The following CPE variants were observed in gnomAD, a reference collection of about 807,000 sequenced individuals.
The protein encoded by CPE is carbocypeptidase E.
CPE carries 17 observed loss-of-function variants against 53.5 expected under a neutral mutation model. The observed-to-expected ratio is 0.32, with a 90% CI of 0.22 to 0.48. CPE has a LOEUF of 0.48. Among genes scored for constraint, CPE ranks in the 20% least tolerant of loss-of-function variants. CPE has a pLI of 0.99. For synonymous variants in CPE, 226 were observed against 228.8 expected (o/e 0.99, Z 0.11); for missense variants, 524 against 614.7 (o/e 0.85, Z 1.56).
chr4:165,448,470 C>T (rs570491919), intron 1 of CPE, among the ~76,000 whole-genome samples: 41 of 152,260 alleles, frequency 2.7e-4, no homozygotes, highest in African/African-American at 9.4e-4. Flanking sequence ...AGTCTTTGCT[C>T]TTTCTTCTGG....
rs1029835451 is a variant in CPE, at chr4:165,379,712, C to A, written c.307+184C>A. On this transcript the variant is annotated intron_variant, in intron 1 of 8. Coordinates refer to ENST00000402744, the MANE Select transcript of CPE (RefSeq NM_001873.4). This position sits in a 1 kb window ranked among gnomAD's most constrained non-coding sequence, Gnocchi z 6.0. ...AAATGGGGAAGAACCCGACTTAGAG[C>A]GCCAGTGGCCCAATTTCTGCTTTCC... Among the ~76,000 whole-genome samples, 3 of 152,086 alleles carry A rather than the reference C, an allele frequency of 2.0e-5. No homozygotes were observed. Among genetic ancestry groups the A allele is most frequent in the Admixed American group, 6.5e-5 (1 of 15,278 alleles).
intron 3 of CPE, among the ~76,000 whole-genome samples, chr4:165,480,385 A>G (rs1015787565): frequency 2.0e-5 from 3 of 152,248 alleles, no homozygotes; most frequent in Non-Finnish European, 4.4e-5. Context: ...GGATTTCTCT[A>G]AGGAAAGTAC....
intron 1 of CPE, among the ~76,000 whole-genome samples, chr4:165,461,188 G>GAAACAAAAAGAA: frequency 1.2e-5 from 1 of 81,200 alleles, no homozygotes; most frequent in South Asian, 3.8e-4. Flanking sequence ...AAAAAAAAAA[G>GAAACAAAAAGAA]AAAGAAAGAA....
At position 165,391,654 on chromosome 4, in the gene CPE, T is replaced by G. The variant is rs779162948; in HGVS notation, c.307+12126T>G. 5.9e-5 allele frequency among the ~76,000 whole-genome samples: 9 copies of G among 152,288 alleles called. No homozygotes were observed. The Middle Eastern group carries it at 0.01, about 173-fold the overall frequency. On this transcript the variant is annotated intron_variant, in intron 1 of 8. Coordinates refer to ENST00000402744, the MANE Select transcript of CPE (RefSeq NM_001873.4). Reference sequence around the variant, plus strand: ...AGGGCTGTAAACGAAATACTGCATCTTTCATTTCTGTATAGGTTATTATAT... The same window carrying G: ...AGGGCTGTAAACGAAATACTGCATCGTTCATTTCTGTATAGGTTATTATAT...
chr4:165,460,064 C>G (rs979978263), intron 1 of CPE, among the ~76,000 whole-genome samples: 18 of 152,032 alleles, frequency 1.2e-4, no homozygotes, highest in African/African-American at 4.4e-4. Flanking sequence ...AGTTAACACA[C>G]AGGGACGTGT....
chr4:165,406,119 T>C, intron 1 of CPE: 1 of 755,636 alleles, frequency 1.3e-6, no homozygotes. Context: ...ATTTCATTCA[T>C]AACTTCCGTG....
intron 1 of CPE, among the ~76,000 whole-genome samples, chr4:165,422,422 G>A (rs188737038): frequency 6.6e-6 from 1 of 152,050 alleles, no homozygotes; most frequent in Non-Finnish European, 1.5e-5. Context: ...AGCAGGAAAA[G>A]AATTAAAGTT....
intron 1 of CPE, among the ~76,000 whole-genome samples, chr4:165,451,351 A>G (rs1035329221): frequency 1.3e-5 from 2 of 152,188 alleles, no homozygotes; most frequent in Non-Finnish European, 2.9e-5. Context: ...TATTACCAGT[A>G]TGAGTAACAA....
Position 165,385,443 on chromosome 4 carries a change from C to CTTTT in CPE, c.307+5930_307+5933dup, listed in dbSNP as rs70955613. Among the ~76,000 whole-genome samples the CTTTT allele has an allele frequency of 1.1e-3, 123 of 106,974 alleles. 3 individuals are homozygous for CTTTT. Among genetic ancestry groups the CTTTT allele is most frequent in the East Asian group, 3.0e-3 (11 of 3,628 alleles). The allele number at this position is 106,974 out of a possible 152,430, so 70.2% of individuals were successfully genotyped here. A position where few individuals can be genotyped will look rare whatever the true frequency, so the allele number is the denominator to read the frequency against. Reference sequence around the variant, plus strand: ...TTTTATTTTTGTTCACAAATGTTTGCTTTTTTTTTTTTTTTTTTGAGATGG... The same window carrying CTTTT: ...TTTTATTTTTGTTCACAAATGTTTGCTTTTTTTTTTTTTTTTTTTTTTGAGATGG... On this transcript the variant is annotated intron_variant, in intron 1 of 8. Coordinates refer to ENST00000402744, the MANE Select transcript of CPE (RefSeq NM_001873.4).
At chr4:165,419,601 A>G (rs1731173705) in intron 1 of CPE, among the ~76,000 whole-genome samples, 1 of 152,194 alleles carries the variant, frequency 6.6e-6, no homozygotes, top group African/African-American at 2.4e-5. Flanking sequence ...AGTTTCCTAA[A>G]GTCACACACC....
At chr4:165,464,904 A>G (rs141825154) in intron 2 of CPE, among the ~76,000 whole-genome samples, 4,110 of 152,290 alleles carry the variant, frequency 0.027, 188 homozygotes, top group African/African-American at 0.094. Context: ...TTAAAAATCT[A>G]CAAATATAAA....
intron 1 of CPE, among the ~76,000 whole-genome samples, chr4:165,416,739 G>A (rs1731130458): frequency 6.6e-6 from 1 of 151,936 alleles, no homozygotes; most frequent in East Asian, 2.0e-4. Flanking sequence ...ATAGTGCGGT[G>A]GCCCCACATA....
At chr4:165,380,188 T>G (rs191095446) in intron 1 of CPE, among the ~76,000 whole-genome samples, 116 of 152,284 alleles carry the variant, frequency 7.6e-4, no homozygotes, top group Non-Finnish European at 1.3e-3. Flanking sequence ...AAAGATACGT[T>G]GGTGCCCCTC....
chr4:165,461,377 C>A (rs2126698751), intron 1 of CPE, among the ~76,000 whole-genome samples: 1 of 152,048 alleles, frequency 6.6e-6, no homozygotes, highest in East Asian at 1.9e-4. Context: ...GAGGGAAAGG[C>A]TGGTGCCTTG....
chr4:165,405,027 T>C lies in CPE; in HGVS notation c.307+25499T>C, dbSNP rs1730930400. On this transcript the variant is annotated intron_variant, in intron 1 of 8. Transcript: ENST00000402744. ...AGGAAGTTGTGATGGATGGACAGCATCCATCACCATGTCTGTCTTTCAAAA... is the reference window on the plus strand; with the variant it reads ...AGGAAGTTGTGATGGATGGACAGCACCCATCACCATGTCTGTCTTTCAAAA... The C allele has an allele frequency of 4.1e-6, 3 of 730,696 alleles. No individual in the cohort carries two copies. In the South Asian group the frequency reaches 4.5e-5, roughly 11 times the overall value. The allele number at this position is 730,696 out of a possible 1,614,324, so 45.3% of individuals were successfully genotyped here.
intron 1 of CPE, chr4:165,405,278 T>C: frequency 9.7e-7 from 1 of 1,028,480 alleles, no homozygotes; most frequent in Non-Finnish European, 1.5e-6. Context: ...AGCCAGATGC[T>C]TAACATCCTT....
chr4:165,462,152 A>T (rs1321740025), intron 1 of CPE, among the ~76,000 whole-genome samples: 3 of 152,232 alleles, frequency 2.0e-5, no homozygotes, highest in African/African-American at 7.2e-5. Context: ...GAAAATCAGG[A>T]GTTGCAAACA....
chr4:165,423,788 C>T (rs1731269532), intron 1 of CPE, among the ~76,000 whole-genome samples: 1 of 120,810 alleles, frequency 8.3e-6, no homozygotes, highest in Non-Finnish European at 1.7e-5. Flanking sequence ...TGCTATCCCT[C>T]CCCCCTCCCC....
intron 1 of CPE, among the ~76,000 whole-genome samples, chr4:165,459,713 C>T (rs1429133139): frequency 2.2e-5 from 3 of 138,866 alleles, no homozygotes; most frequent in Non-Finnish European, 3.0e-5. Context: ...AGGAGGAGTT[C>T]GAGACCAGCT....
Sources: allele counts gnomAD v4.1 joint callset (sites outside exome capture counted in the v4.1 genomes callset), GRCh38; gene constraint gnomAD v4.1.1; non-coding constraint Gnocchi (gnomAD v3.1); transcripts MANE v1.5; gene names NCBI Gene and HGNC (gene_info 2026-07-23, HGNC 2026-07-21).